Variants in CECR2 observed in about 807,000 individuals in gnomAD.
CECR2 encodes chromatin remodeling regulator CECR2.
CECR2 carries 30 observed loss-of-function variants against 154.5 expected under a neutral mutation model. That is an observed-to-expected ratio of 0.19 (90% CI 0.15 to 0.26). The LOEUF (loss-of-function observed/expected upper bound fraction) is 0.26, where lower values mean the gene tolerates loss of function less well. CECR2 is among the 10% of genes least tolerant of loss of function. The probability of loss-of-function intolerance (pLI) is 1.00; values close to 1 mark genes in which losing one functional copy is unlikely to be tolerated. For missense variants in CECR2, 1,743 were observed against 1,829.3 expected, an observed-to-expected ratio of 0.95 and a Z score of 0.86; for synonymous variants, 725 against 683.7, an observed-to-expected ratio of 1.06 and a Z score of -0.94.
chr22:17,524,526 G>A (rs1478504108), intron 9 of CECR2, among the ~76,000 whole-genome samples: 1 of 135,068 alleles, frequency 7.4e-6, no homozygotes, highest in African/African-American at 2.8e-5. Context: ...CCAAGTAGCT[G>A]GGACTACAGG....
chr22:17,382,067 T>C (rs1158142270), intron 1 of CECR2, among the ~76,000 whole-genome samples: 1 of 151,832 alleles, frequency 6.6e-6, no homozygotes, highest in Non-Finnish European at 1.5e-5. Flanking sequence ...TTTTTTTTTT[T>C]TTTTAGTAGG....
chr22:17,517,247 TCTC>T (rs2056075592), intron 8 of CECR2, among the ~76,000 whole-genome samples: 2 of 112,686 alleles, frequency 1.8e-5, no homozygotes, highest in Non-Finnish European at 4.6e-5. Context: ...TCTGGCTCTA[TCTC>T]TCTTGCTTCG....
chr22:17,477,695 G>C lies in CECR2; in HGVS notation c.221+13G>C. Reference sequence around the variant, plus strand: ...GAAGAGATATCACGTGAGTAATTCTGATCTTTCTAAGCATTTCTTGCGCCA... The same window carrying C: ...GAAGAGATATCACGTGAGTAATTCTCATCTTTCTAAGCATTTCTTGCGCCA... On this transcript the variant is annotated intron_variant, in intron 2 of 18. Transcript: ENST00000262608. The C allele has an allele frequency of 3.2e-6, 5 of 1,573,574 alleles. No homozygotes were observed. The highest frequency in any genetic ancestry group is 4.4e-6 in the Non-Finnish European group (5 of 1,143,436).
chr22:17,481,049 T>TGAAAAAAAAAAAAAAAAAAAAA (rs1555915490), intron 2 of CECR2, among the ~76,000 whole-genome samples: 1 of 92,068 alleles, frequency 1.1e-5, no homozygotes, highest in Non-Finnish European at 2.4e-5. Flanking sequence ...CTTTTTTTTT[T>TGAAAAAAAAAAAAAAAAAAAAA]AAAAAAAAAA....
intron 16 of CECR2, among the ~76,000 whole-genome samples, chr22:17,547,185 C>G (rs1400768435): frequency 1.3e-5 from 2 of 151,420 alleles, no homozygotes; most frequent in African/African-American, 4.9e-5. Context: ...GCATAGGAGT[C>G]TAATTAATTT....
intron 1 of CECR2, among the ~76,000 whole-genome samples, chr22:17,469,075 C>CAGAA (rs58173500): frequency 0.088 from 13,324 of 151,968 alleles, 677 homozygotes; most frequent in South Asian, 0.22. Flanking sequence ...AGTGATTATA[C>CAGAA]AGAAAATTTT....
At chr22:17,451,929 A>G (rs1406790120) in intron 1 of CECR2, among the ~76,000 whole-genome samples, 1 of 152,216 alleles carries the variant, frequency 6.6e-6, no homozygotes, top group Non-Finnish European at 1.5e-5. Flanking sequence ...ACAAACGTGA[A>G]GGACTTGAGG....
chr22:17,365,228 A>G (rs943635351), upstream of CECR2, among the ~76,000 whole-genome samples: 23 of 152,130 alleles, frequency 1.5e-4, no homozygotes, highest in Non-Finnish European at 2.8e-4. Context: ...CTGTCTAAAA[A>G]AAAGGAAAAA....
At chr22:17,550,809 G>T (rs1481582082) in intron 17 of CECR2, among the ~76,000 whole-genome samples, 1 of 152,166 alleles carries the variant, frequency 6.6e-6, no homozygotes, top group African/African-American at 2.4e-5. Context: ...GGGCGTGGTG[G>T]TGGGCACCTG....
rs202127999 is a variant in CECR2, at chr22:17,538,807, A to AAT, written c.1368+87_1368+88dup. The AAT allele has an allele frequency of 1.1e-3, 1,491 of 1,347,972 alleles. 15 individuals are homozygous for AAT. The African/African-American group carries it at 0.019, about 17-fold the overall frequency. The allele number at this position is 1,347,972 out of a possible 1,614,324, so 83.5% of individuals were successfully genotyped here. A position where few individuals can be genotyped will look rare whatever the true frequency, so the allele number is the denominator to read the frequency against. On this transcript the variant is annotated intron_variant, in intron 12 of 18. Coordinates refer to ENST00000262608, the MANE Select transcript of CECR2 (RefSeq NM_001290047.2). ...GGGTTTTGTTGTTTGTTTGTTGTTA[A>AAT]ATATATATATATTTTGATACGTTTT...
At chr22:17,468,670 T>C (rs5747188) in intron 1 of CECR2, among the ~76,000 whole-genome samples, 3,812 of 152,066 alleles carry the variant, frequency 0.025, 170 homozygotes, top group East Asian at 0.23. Context: ...AAGAACCCTG[T>C]CTCTCCAAAA....
chr22:17,517,138 A>G (rs113321179), intron 8 of CECR2, among the ~76,000 whole-genome samples: 3,160 of 152,192 alleles, frequency 0.021, 114 homozygotes, highest in African/African-American at 0.072. Flanking sequence ...CAGCCTCCCA[A>G]AGTGCTGGGA....
At chr22:17,479,457 T>C (rs1233219717) in intron 2 of CECR2, among the ~76,000 whole-genome samples, 1 of 152,188 alleles carries the variant, frequency 6.6e-6, no homozygotes, top group Non-Finnish European at 1.5e-5. Context: ...CAGTAAGTGC[T>C]TAGAAATAAA....
At chr22:17,426,357 A>C (rs5746374) in intron 1 of CECR2, among the ~76,000 whole-genome samples, 10,159 of 149,472 alleles carry the variant, frequency 0.068, 919 homozygotes, top group East Asian at 0.37. Context: ...TATTCTTTTA[A>C]TTTTTTTTTT....
chr22:17,479,298 T>C (rs2055264684), intron 2 of CECR2, among the ~76,000 whole-genome samples: 1 of 152,150 alleles, frequency 6.6e-6, no homozygotes, highest in South Asian at 2.1e-4. Context: ...AGTGTCTGCT[T>C]GGATGATCCT....
chr22:17,518,162 A>C (rs1459180632), intron 8 of CECR2, among the ~76,000 whole-genome samples: 1 of 152,138 alleles, frequency 6.6e-6, no homozygotes, highest in Non-Finnish European at 1.5e-5. Context: ...AAGTTTTTCC[A>C]GCAAAGAGAG....
In CECR2 at chr22:17,500,684, G is replaced by A. The variant is rs918376132; in HGVS notation, c.599G>A (p.Arg200Lys). 1 of 1,558,192 alleles carries A rather than the reference G, an allele frequency of 6.4e-7. No individual in the cohort carries two copies. Among genetic ancestry groups the A allele is most frequent in the Non-Finnish European group, 8.7e-7 (1 of 1,151,200 alleles). ...AGTATTCCTGGAAAAACGGGAAAAA[G>A]AAGAGGAAGACCCCCAAAACGGAAG... ...VSSIPGKTGK[R>K]RGRPPKRKKL... Residue 200 changes from arginine (R) to lysine (K), a missense_variant, in exon 5 of 19, where the codon AGA (arginine) becomes AAA (lysine). By Grantham distance (26) the Arg-to-Lys change is conservative. This residue lies in a region of CECR2 where 292 missense variants were observed against 301.2 expected (regional missense o/e 0.97). Transcript: ENST00000262608.
intron 7 of CECR2, among the ~76,000 whole-genome samples, chr22:17,508,554 A>T (rs2055886625): frequency 6.6e-6 from 1 of 152,088 alleles, no homozygotes; most frequent in Non-Finnish European, 1.5e-5. Context: ...CGGCCCTACC[A>T]TCTAGGGTTG....
intron 8 of CECR2, among the ~76,000 whole-genome samples, chr22:17,518,068 G>T (rs2056090413): frequency 6.6e-6 from 1 of 152,074 alleles, no homozygotes; most frequent in Non-Finnish European, 1.5e-5. Context: ...TTGTAATGCT[G>T]CCATCTTTGC....
Sources: allele counts gnomAD v4.1 joint callset (sites outside exome capture counted in the v4.1 genomes callset), GRCh38; gene constraint gnomAD v4.1.1; regional missense constraint gnomAD v4.1.1; transcripts MANE v1.5; gene names NCBI Gene and HGNC (gene_info 2026-07-23, HGNC 2026-07-21).